ZNF516: variants seen among roughly 807,000 people sequenced by gnomAD.
The protein encoded by ZNF516 is zinc finger protein 516.
ZNF516 carries 19 observed loss-of-function variants against 79.7 expected under a neutral mutation model. The observed-to-expected ratio is 0.24, with a 90% CI of 0.17 to 0.35. The LOEUF is 0.35. Ranked by LOEUF, ZNF516 falls within the 10% of genes least tolerant of loss-of-function variation. ZNF516 has a pLI of 1.00. For missense variants in ZNF516, 1,678 were observed against 1,679.5 expected (o/e 1.00, Z 0.02); for synonymous variants, 877 against 739.5 (o/e 1.19, Z -3.02).
chr18:76,438,318 T>G (rs1399415245), intron 3 of ZNF516, among the ~76,000 whole-genome samples: 1 of 152,258 alleles, frequency 6.6e-6, no homozygotes, highest in East Asian at 1.9e-4. Flanking sequence ...AATATTCGTT[T>G]TTCCTTAGTG....
Position 76,360,733 on chromosome 18 carries a change from T to C in ZNF516, c.*1765A>G, listed in dbSNP as rs1169002276. The stretch of plus-strand genomic sequence containing the variant: ...AAGTGTTGCAAAGTAACCTGAACCG[T>C]CAAGTAATTTAAACTCAGTAACAAG... On this transcript the variant is annotated 3_prime_UTR_variant, in exon 7 of 7. Coordinates refer to ENST00000443185, the MANE Select transcript of ZNF516 (RefSeq NM_014643.4). The C allele has an allele frequency of 1.5e-5, 2 of 136,694 alleles. No homozygotes were observed. The highest frequency in any genetic ancestry group is 5.4e-5 in the African/African-American group (2 of 37,178). 8.5% of individuals were successfully genotyped at this position (136,694 alleles called of 1,614,324 possible). A position where few individuals can be genotyped will look rare whatever the true frequency, so the allele number is the denominator to read the frequency against.
chr18:76,496,074 T>C (rs1188137000), upstream of ZNF516, among the ~76,000 whole-genome samples: 1 of 151,428 alleles, frequency 6.6e-6, no homozygotes, highest in Non-Finnish European at 1.5e-5. Flanking sequence ...ATAAGTTGAG[T>C]CTGGGACTAG....
At chr18:76,443,780 C>A (rs1291028012) in intron 2 of ZNF516, among the ~76,000 whole-genome samples, 1 of 152,198 alleles carries the variant, frequency 6.6e-6, no homozygotes, top group Non-Finnish European at 1.5e-5. Flanking sequence ...ACACACACAC[C>A]CGCAAGATGG....
chr18:76,494,314 C>G lies in ZNF516; in HGVS notation c.-272+830G>C, dbSNP rs1219666926. 7.4e-5 allele frequency among the ~76,000 whole-genome samples: 11 copies of G among 148,472 alleles called. No individual in the cohort carries two copies. The East Asian group carries it at 1.6e-3, about 22-fold the overall frequency. On this transcript the variant is annotated intron_variant, in intron 1 of 6. Transcript: ENST00000443185. ...GCGCCTCCCCCCACCTCCCGCCCAA[C>G]CACACACACCCCACCGCATTCTTCC...
At chr18:76,417,448 G>C (rs1222272939) in intron 3 of ZNF516, among the ~76,000 whole-genome samples, 1 of 152,168 alleles carries the variant, frequency 6.6e-6, no homozygotes, top group Non-Finnish European at 1.5e-5. Context: ...TTTAACCAAA[G>C]ATATTTACAA....
chr18:76,415,276 TAACAG>T (rs1474092981), intron 3 of ZNF516, among the ~76,000 whole-genome samples: 2 of 152,284 alleles, frequency 1.3e-5, no homozygotes, highest in East Asian at 1.9e-4. Flanking sequence ...GAAGAGCTCT[TAACAG>T]AACAGAACTG....
At chr18:76,380,457 G>A (rs958596166) in intron 3 of ZNF516, among the ~76,000 whole-genome samples, 154 bp from the exon 4 acceptor site, 2 of 151,998 alleles carry the variant, frequency 1.3e-5, no homozygotes, top group African/African-American at 4.8e-5. Context: ...AACCCCTGAG[G>A]AGCCACCCAG....
intron 2 of ZNF516, among the ~76,000 whole-genome samples, chr18:76,452,033 T>A (rs1335077955): frequency 6.6e-6 from 1 of 152,206 alleles, no homozygotes; most frequent in African/African-American, 2.4e-5. Flanking sequence ...TAATCCATTA[T>A]GAACCAGCTA....
chr18:76,390,817 C>T (rs950991264), intron 3 of ZNF516, among the ~76,000 whole-genome samples: 28 of 152,166 alleles, frequency 1.8e-4, no homozygotes, highest in Non-Finnish European at 5.9e-5. Context: ...GTGCCTGGAA[C>T]CATGCCAGGA....
chr18:76,441,126 A>G, intron 3 of ZNF516, 119 bp downstream of exon 3: 1 of 1,389,558 alleles, frequency 7.2e-7, no homozygotes, highest in South Asian at 1.5e-5. Context: ...CTAGCTGAGT[A>G]AAGGGCCACC....
At chr18:76,388,480 AG>A (rs2075024073) in intron 3 of ZNF516, 2 of 152,268 alleles carry the variant, frequency 1.3e-5, no homozygotes, top group African/African-American at 4.8e-5. Context: ...GCGAGGGGTC[AG>A]GGAACTCTCC....
chr18:76,448,856 C>A (rs903762945), intron 2 of ZNF516, among the ~76,000 whole-genome samples: 1 of 152,146 alleles, frequency 6.6e-6, no homozygotes, highest in Non-Finnish European at 1.5e-5. Flanking sequence ...ATTATCAAAG[C>A]GTGCTGGCAG....
intron 1 of ZNF516, among the ~76,000 whole-genome samples, chr18:76,473,154 T>TA (rs1202431502): frequency 6.6e-6 from 1 of 151,730 alleles, no homozygotes; most frequent in East Asian, 1.9e-4. Context: ...TTTTAATAAT[T>TA]AAAGGACAAG....
At chr18:76,376,474 A>G (rs2074787853) in intron 4 of ZNF516, among the ~76,000 whole-genome samples, 1 of 151,666 alleles carries the variant, frequency 6.6e-6, no homozygotes, top group Non-Finnish European at 1.5e-5. Context: ...AGATGAGTGC[A>G]TGTACTTTGT....
chr18:76,431,991 G>A (rs1364572506), intron 3 of ZNF516, among the ~76,000 whole-genome samples: 1 of 152,188 alleles, frequency 6.6e-6, no homozygotes, highest in Non-Finnish European at 1.5e-5. Context: ...AACAGGACAG[G>A]GTCTGCTATT....
At position 76,466,176 on chromosome 18, in the gene ZNF516, G is replaced by T. The variant is rs182548979; in HGVS notation, c.-271-3035C>A. ...GGAGTGACGTTAATTCAGGCTCCGG[G>T]AGAGATTTGATTTACGACACTAATT... On this transcript the variant is annotated intron_variant, in intron 1 of 6. Transcript: ENST00000443185. Among the ~76,000 whole-genome samples, 301 of 152,240 alleles carry T rather than the reference G, an allele frequency of 2.0e-3. 3 individuals are homozygous for T. Among genetic ancestry groups the T allele is most frequent in the African/African-American group, 6.9e-3 (288 of 41,540 alleles).
intron 3 of ZNF516, among the ~76,000 whole-genome samples, chr18:76,382,602 G>A (rs1485657877): frequency 6.6e-6 from 1 of 152,112 alleles, no homozygotes; most frequent in African/African-American, 2.4e-5. Context: ...CCAAGACACT[G>A]AGTAATAAAC....
At chr18:76,384,379 C>T (rs1299809865) in intron 3 of ZNF516, among the ~76,000 whole-genome samples, 1 of 134,558 alleles carries the variant, frequency 7.4e-6, no homozygotes, top group African/African-American at 2.9e-5. Flanking sequence ...TTCCGACACC[C>T]CCACCACGGG....
intron 3 of ZNF516, among the ~76,000 whole-genome samples, chr18:76,397,024 C>CA (rs1443295493): frequency 6.6e-6 from 1 of 152,208 alleles, no homozygotes; most frequent in African/African-American, 2.4e-5. Context: ...CAGACAGACT[C>CA]AGTGCTTCAG....
Sources: allele counts gnomAD v4.1 joint callset (sites outside exome capture counted in the v4.1 genomes callset), GRCh38; gene constraint gnomAD v4.1.1; transcripts MANE v1.5; gene names NCBI Gene and HGNC (gene_info 2026-07-23, HGNC 2026-07-21).